Variants in CD80 observed in about 807,000 individuals in gnomAD.
CD80 encodes CD80 molecule.
Under a neutral mutation model 27.1 loss-of-function variants are expected in CD80, and 13 were observed. The ratio of observed to expected loss-of-function variants is 0.48; its 90% CI spans 0.31 to 0.76. The LOEUF is 0.76. CD80 is among the 30% of genes least tolerant of loss of function. The probability of loss-of-function intolerance (pLI) is 0.04; values close to 1 mark genes in which losing one functional copy is unlikely to be tolerated. For missense variants in CD80, 277 were observed against 347.9 expected (o/e 0.80, Z 1.62); for synonymous variants, 125 against 125.5 (o/e 1.00, Z 0.03).
chr3:119,541,435 A>G (rs2082167902), intron 3 of CD80, among the ~76,000 whole-genome samples: 1 of 152,220 alleles, frequency 6.6e-6, no homozygotes, highest in South Asian at 2.1e-4. Flanking sequence ...AGGGTAACCA[A>G]CGTGTCCTAT....
intron 4 of CD80, among the ~76,000 whole-genome samples, chr3:119,535,097 CAGG>C (rs1297385997): frequency 6.6e-6 from 1 of 151,332 alleles, no homozygotes; most frequent in South Asian, 2.1e-4. Context: ...GAGGCTGAGA[CAGG>C]AGAATTGCTT....
intron 2 of CD80, among the ~76,000 whole-genome samples, chr3:119,555,618 T>A (rs1450611508): frequency 6.6e-6 from 1 of 152,246 alleles, no homozygotes; most frequent in Non-Finnish European, 1.5e-5. Flanking sequence ...CCCTTCTTGC[T>A]GGCAGAGGAA....
chr3:119,535,119 G>C lies in CD80; in HGVS notation c.700+2018C>G, dbSNP rs144034657. Reference sequence around the variant, plus strand: ...AGACAGGAGAATTGCTTCAACCTGGGAGGCGGAGGTTACAGTGAGCCAAGA... The same window carrying C: ...AGACAGGAGAATTGCTTCAACCTGGCAGGCGGAGGTTACAGTGAGCCAAGA... On this transcript the variant is annotated intron_variant, in intron 4 of 6. Transcript: ENST00000264246. Among the ~76,000 whole-genome samples, 1,176 of 151,804 alleles carry C rather than the reference G, an allele frequency of 7.7e-3. 14 individuals are homozygous for C. The highest frequency in any genetic ancestry group is 0.027 in the African/African-American group (1,111 of 41,348).
At position 119,553,392 on chromosome 3, in the gene CD80, G is replaced by A. The variant is rs12486125; in HGVS notation, c.100+4237C>T. Among the ~76,000 whole-genome samples, 8 of 152,168 alleles carry A rather than the reference G, an allele frequency of 5.3e-5. No homozygotes were observed. In the South Asian group the frequency reaches 8.3e-4, roughly 16 times the overall value. ...TGACCTCAGGTGATCCACCCATCTC[G>A]GCCTCCCAAAATGCTGGGATTGCAG... On this transcript the variant is annotated intron_variant, in intron 2 of 6. Coordinates refer to ENST00000264246, the MANE Select transcript of CD80 (RefSeq NM_005191.4).
chr3:119,542,713 T>C (rs1577110259), intron 3 of CD80, among the ~76,000 whole-genome samples: 1 of 152,160 alleles, frequency 6.6e-6, no homozygotes, highest in South Asian at 2.1e-4. Flanking sequence ...CTAACTTTGG[T>C]AGAAACTTAG....
intron 6 of CD80, 145 bp downstream of exon 6, chr3:119,527,588 C>A: frequency 1.9e-6 from 1 of 514,780 alleles, no homozygotes; most frequent in African/African-American, 1.9e-5. Flanking sequence ...GAGAGGGATG[C>A]CAGCCATCTT....
intron 4 of CD80, among the ~76,000 whole-genome samples, chr3:119,531,420 G>A (rs905311664): frequency 1.3e-5 from 2 of 152,196 alleles, no homozygotes; most frequent in African/African-American, 4.8e-5. Flanking sequence ...CAGCACCCTG[G>A]CCATAACCAT....
chr3:119,528,072 T>C (rs1383397074), intron 5 of CD80, among the ~76,000 whole-genome samples: 1 of 152,102 alleles, frequency 6.6e-6, no homozygotes, highest in African/African-American at 2.4e-5. Context: ...TACTGGCATG[T>C]AGTGAGTAGA....
chr3:119,542,528 A>C (rs7648642), intron 3 of CD80, among the ~76,000 whole-genome samples: 72,025 of 151,900 alleles, frequency 0.47, 17,190 homozygotes, highest in East Asian at 0.51. Context: ...TGGCTCAGGG[A>C]TATAATTTCT....
intron 2 of CD80, among the ~76,000 whole-genome samples, chr3:119,546,980 A>G (rs1720151): frequency 0.23 from 35,570 of 152,176 alleles, 4,341 homozygotes; most frequent in Middle Eastern, 0.29. Flanking sequence ...GCACAGGAAT[A>G]AAACCTTCAT....
chr3:119,531,774 C>T (rs920249176), intron 4 of CD80, among the ~76,000 whole-genome samples: 1 of 150,606 alleles, frequency 6.6e-6, no homozygotes, highest in Non-Finnish European at 1.5e-5. Flanking sequence ...AGGAATTCTC[C>T]TGCCTCAGCC....
At chr3:119,540,970 C>A (rs1011350972) in intron 3 of CD80, among the ~76,000 whole-genome samples, 1 of 152,076 alleles carries the variant, frequency 6.6e-6, no homozygotes, top group Non-Finnish European at 1.5e-5. Flanking sequence ...ATCGCTTGAA[C>A]CCAGGAGGCA....
At chr3:119,540,432 G>A (rs1421681793) in intron 3 of CD80, among the ~76,000 whole-genome samples, 1 of 152,152 alleles carries the variant, frequency 6.6e-6, no homozygotes, top group Non-Finnish European at 1.5e-5. Flanking sequence ...GATTTGGTTG[G>A]AGGTGAAGTT....
At position 119,544,640 on chromosome 3, in the gene CD80, C is replaced by T; in HGVS notation, c.328G>A (p.Asp110Asn). The T allele has an allele frequency of 6.2e-7, 1 of 1,614,132 alleles. No homozygotes were observed. The highest frequency in any genetic ancestry group is 1.1e-5 in the South Asian group (1 of 91,078). ...ACAACACACTCGTATGTGCCCTCGT[C>T]AGATGGGCGCAGAGCCAGGATCACA... Reference protein sequence around the residue: ...SIVILALRPSDEGTYECVVLK... With the variant: ...SIVILALRPSNEGTYECVVLK... Residue 110 changes from aspartate to asparagine, a missense_variant, in exon 3 of 7, where the codon GAC becomes AAC. Transcript: ENST00000264246.
rs1560060166 is a variant in CD80, at chr3:119,557,715, CGTGT to C, written c.10_13del (p.Thr4GlyfsTer34). On this transcript the variant is annotated frameshift_variant, in exon 2 of 7. Transcript: ENST00000264246. LOFTEE classifies it high-confidence loss of function. Reference sequence around the variant, plus strand: ...CTTGGATGGTGATGTTCCCTGCCTCCGTGTGTGGCCCATGGCTTCAGATGCTTAG... The same window carrying C: ...CTTGGATGGTGATGTTCCCTGCCTCCGTGGCCCATGGCTTCAGATGCTTAG... The C allele has an allele frequency of 6.2e-7, 1 of 1,612,084 alleles. No homozygotes were observed. The highest frequency in any genetic ancestry group is 1.7e-5 in the Admixed American group (1 of 59,874).
In CD80 at chr3:119,557,839, C is replaced by T. The variant is rs999910699; in HGVS notation, c.-111G>A. 7 of 575,048 alleles carry T rather than the reference C, an allele frequency of 1.2e-5. No individual in the cohort carries two copies. Among genetic ancestry groups the T allele is most frequent in the East Asian group, 9.1e-5 (3 of 33,068 alleles). The allele number at this position is 575,048 out of a possible 1,614,324, so 35.6% of individuals were successfully genotyped here. A position where few individuals can be genotyped will look rare whatever the true frequency, so the allele number is the denominator to read the frequency against. On this transcript the variant is annotated 5_prime_UTR_variant, in exon 2 of 7. In the 5' UTR this introduces an upstream ATG that the reference lacks. Transcript: ENST00000264246. ...GGGCTGATGACAATCCAATTGCTCA[C>T]GTAGAAGACCCTCCAGTGATGTTTA...
At chr3:119,536,112 G>A (rs183467529) in intron 4 of CD80, among the ~76,000 whole-genome samples, 9 of 151,880 alleles carry the variant, frequency 5.9e-5, no homozygotes, top group Non-Finnish European at 1.2e-4. Flanking sequence ...TTAGCCGAGG[G>A]TGGTGGCTGG....
At chr3:119,550,977 GT>G (rs981029667) in intron 2 of CD80, among the ~76,000 whole-genome samples, 15 of 152,066 alleles carry the variant, frequency 9.9e-5, no homozygotes, top group African/African-American at 3.6e-4. Context: ...TGCCTGATTT[GT>G]TTCTCTTCAG....
At chr3:119,537,115 T>TC (rs773004461) in intron 4 of CD80, 22 bp downstream of exon 4, 6 of 1,598,074 alleles carry the variant, frequency 3.8e-6, no homozygotes, top group Non-Finnish European at 5.1e-6. Context: ...TAGTAGAAAC[T>TC]CCCCAGAACA....
Sources: gnomAD v4.1 joint callset for allele counts (sites outside exome capture counted in the v4.1 genomes callset) on GRCh38, gnomAD v4.1.1 for gene constraint, MANE v1.5 for transcripts, NCBI Gene and HGNC (gene_info 2026-07-23, HGNC 2026-07-21) for gene names.